Variants in HPSE2 observed in about 807,000 individuals in gnomAD.
The protein encoded by HPSE2 is inactive heparanase-2.
In HPSE2, 38 loss-of-function variants were observed where a neutral mutation model predicts 60.5. The observed-to-expected ratio is 0.63, with a 90% confidence interval of 0.48 to 0.82. HPSE2 has a LOEUF of 0.82. Ranked by LOEUF, HPSE2 falls within the 40% of genes least tolerant of loss-of-function variation. The pLI is 0.00. For missense variants in HPSE2, 713 were observed against 740.4 expected, an observed-to-expected ratio of 0.96 and a Z score of 0.43; for synonymous variants, 295 against 293.2, an observed-to-expected ratio of 1.01 and a Z score of -0.06.
chr10:98,858,408 G>A (rs1952370433), intron 3 of HPSE2, among the ~76,000 whole-genome samples: 1 of 152,136 alleles, frequency 6.6e-6, no homozygotes, highest in Admixed American at 6.5e-5. Flanking sequence ...AATATGTTTA[G>A]GGAAACTAAT....
At chr10:99,306,372 A>C in the HPSE2 span, among the ~76,000 whole-genome samples, 1 of 152,088 alleles carries the variant, frequency 6.6e-6, no homozygotes. Flanking sequence ...CAAACCACGT[A>C]AGCCCTGGCC....
chr10:98,701,489 G>A (rs1275301482), intron 5 of HPSE2, among the ~76,000 whole-genome samples: 1 of 115,562 alleles, frequency 8.7e-6, no homozygotes, highest in Non-Finnish European at 1.7e-5. Context: ...GGGGACTGTT[G>A]TGGGGTGGGG....
intron 11 of HPSE2, among the ~76,000 whole-genome samples, chr10:98,464,072 C>A (rs1057074489): frequency 6.6e-6 from 1 of 151,834 alleles, no homozygotes. Context: ...AGCCAGACTG[C>A]ACCACTGCAC....
chr10:99,261,930 C>T, the HPSE2 span, among the ~76,000 whole-genome samples: 238 of 152,324 alleles, frequency 1.6e-3, 2 homozygotes, highest in Middle Eastern at 6.8e-3. Context: ...TCAGCTGTGT[C>T]CCATCTTTGC....
chr10:99,172,810 G>A (rs192180664), intron 2 of HPSE2, among the ~76,000 whole-genome samples: 12 of 152,086 alleles, frequency 7.9e-5, no homozygotes, highest in East Asian at 3.9e-4. Context: ...CCTGAGAGGC[G>A]GAGGTTACAG....
intron 9 of HPSE2, among the ~76,000 whole-genome samples, chr10:98,509,522 G>C (rs1171278535): frequency 6.6e-6 from 1 of 151,332 alleles, no homozygotes; most frequent in African/African-American, 2.4e-5. Context: ...CTTTTTTTGA[G>C]ACGGAGTCTT....
At chr10:98,548,383 G>A (rs554568977) in intron 9 of HPSE2, among the ~76,000 whole-genome samples, 21 of 152,274 alleles carry the variant, frequency 1.4e-4, no homozygotes, top group African/African-American at 3.9e-4. Flanking sequence ...TTGGGAGGCC[G>A]AGTTGGGCAT....
intron 2 of HPSE2, among the ~76,000 whole-genome samples, chr10:99,185,617 A>G (rs1847975068): frequency 1.3e-5 from 2 of 151,864 alleles, no homozygotes; most frequent in Non-Finnish European, 2.9e-5. Flanking sequence ...TACTAAAAAT[A>G]CAAAAAATTA....
intron 11 of HPSE2, among the ~76,000 whole-genome samples, chr10:98,472,788 AT>A (rs1360910584): frequency 2.6e-5 from 4 of 151,842 alleles, no homozygotes; most frequent in Admixed American, 1.3e-4. Context: ...ATTTAACTAT[AT>A]AAAAGGGAAT....
At position 98,614,910 on chromosome 10, in the gene HPSE2, T is replaced by C. The variant is rs1945861593; in HGVS notation, c.1314A>G (p.Pro438=). The C allele has an allele frequency of 1.2e-6, 2 of 1,605,930 alleles. No homozygotes were observed. The highest frequency in any genetic ancestry group is 1.7e-6 in the Non-Finnish European group (2 of 1,172,488). The change falls in exon 9 of 12, where the codon CCA becomes CCG. Residue 438 remains proline, a synonymous_variant. Transcript: ENST00000370552. ...YNHLVDQNFN[P]LPDYWLSLLY... is the part of the protein sequence containing the mutation. ...ATCTTTATCCCACACTTACTGGTAA[T>C]GGGTTAAAATTCTGGTCCACGAGGT...
chr10:98,968,910 G>C (rs538095577), intron 3 of HPSE2, among the ~76,000 whole-genome samples: 84 of 152,032 alleles, frequency 5.5e-4, no homozygotes, highest in Non-Finnish European at 9.0e-4. Context: ...CTCAGGTGAC[G>C]GGTTCACCAA....
chr10:98,731,015 T>C (rs779667146), intron 4 of HPSE2, among the ~76,000 whole-genome samples: 6 of 152,196 alleles, frequency 3.9e-5, no homozygotes, highest in South Asian at 2.1e-4. Flanking sequence ...CTGGGTGCAG[T>C]GGCTCACGCC....
the HPSE2 span, among the ~76,000 whole-genome samples, chr10:99,249,223 A>T: frequency 6.6e-6 from 1 of 152,180 alleles, no homozygotes; most frequent in Non-Finnish European, 1.5e-5. Flanking sequence ...AGCTGCAGGC[A>T]CTCAACACCA....
At position 98,468,144 on chromosome 10, in the gene HPSE2, C is replaced by G. The variant is rs1321950171; in HGVS notation, c.1614-8405G>C. Among the ~76,000 whole-genome samples, 5 of 152,244 alleles carry G rather than the reference C, an allele frequency of 3.3e-5. No homozygotes were observed. The South Asian group carries it at 6.2e-4, about 19-fold the overall frequency. ...GGGCAGGTTAGAGTCCCGAGGAGGC[C>G]CAGTCAGGTTTGAGGACAGAGGGGC... is the stretch of plus-strand genomic sequence containing the variant. On this transcript the variant is annotated intron_variant, in intron 11 of 11. Transcript: ENST00000370552.
At chr10:99,277,183 C>T in the HPSE2 span, among the ~76,000 whole-genome samples, 3 of 152,130 alleles carry the variant, frequency 2.0e-5, no homozygotes, top group African/African-American at 7.2e-5. Flanking sequence ...AACATAAAAA[C>T]AATCATCTCT....
intron 3 of HPSE2, among the ~76,000 whole-genome samples, chr10:99,035,736 G>A (rs2135461809): frequency 6.6e-6 from 1 of 152,298 alleles, no homozygotes; most frequent in South Asian, 2.1e-4. Context: ...TACGTGATAG[G>A]AATTTTTCAG....
intron 6 of HPSE2, among the ~76,000 whole-genome samples, chr10:98,657,585 C>T (rs1947108236): frequency 6.6e-6 from 1 of 152,052 alleles, no homozygotes; most frequent in Non-Finnish European, 1.5e-5. Flanking sequence ...AATCTGCTTG[C>T]CTTGCTCTCC....
intron 5 of HPSE2, among the ~76,000 whole-genome samples, chr10:98,717,040 T>C (rs1176001696): frequency 2.0e-5 from 3 of 152,136 alleles, no homozygotes; most frequent in African/African-American, 7.2e-5. Context: ...ATTAATTATC[T>C]AAGTTGCATC....
intron 3 of HPSE2, among the ~76,000 whole-genome samples, chr10:98,859,530 T>G (rs909271552): frequency 3.9e-5 from 6 of 152,170 alleles, no homozygotes; most frequent in Non-Finnish European, 7.3e-5. Flanking sequence ...GAAGTAGAAA[T>G]GCTCTCCCCT....
Sources: gnomAD v4.1 joint callset for allele counts (sites outside exome capture counted in the v4.1 genomes callset) on GRCh38, gnomAD v4.1.1 for gene constraint, MANE v1.5 for transcripts, NCBI Gene and HGNC (gene_info 2026-07-23, HGNC 2026-07-21) for gene names.